The following CSMD3 variants were observed in gnomAD, a reference collection of about 807,000 sequenced individuals.
CSMD3 encodes CUB and sushi domain-containing protein 3.
In CSMD3, 177 loss-of-function variants were observed where a neutral mutation model predicts 435.2. That is an observed-to-expected ratio of 0.41 (90% CI 0.36 to 0.46). The LOEUF (loss-of-function observed/expected upper bound fraction) is 0.46, where lower values mean the gene tolerates loss of function less well. Among genes scored for constraint, CSMD3 ranks in the 20% least tolerant of loss-of-function variants. The pLI, the probability that CSMD3 is intolerant of heterozygous loss-of-function variation, is 0.34. For missense variants in CSMD3, 4,265 were observed against 4,504.6 expected (o/e 0.95, Z 1.52); for synonymous variants, 1,656 against 1,520.5 (o/e 1.09, Z -2.07).
chr8:112,994,642 G>A lies in CSMD3; in HGVS notation c.1031-18494C>T, dbSNP rs2085577569. 3.3e-5 allele frequency among the ~76,000 whole-genome samples: 5 copies of A among 151,436 alleles called. No individual in the cohort carries two copies. In the Admixed American group the frequency reaches 3.3e-4, roughly 10 times the overall value. On this transcript the variant is annotated intron_variant, in intron 6 of 70. Transcript: ENST00000297405. ...TACACTGATAAAATTGAGATTCCAA[G>A]GGCTACAAATTTCATGGATTTGTCT...
At chr8:113,024,447 C>T (rs1310888488) in intron 5 of CSMD3, among the ~76,000 whole-genome samples, 4 of 150,790 alleles carry the variant, frequency 2.7e-5, no homozygotes, top group Non-Finnish European at 5.9e-5. Context: ...AACCTATTAA[C>T]TTCACCTCTT....
At position 112,984,167 on chromosome 8, in the gene CSMD3, G is replaced by T. The variant is rs145472441; in HGVS notation, c.1031-8019C>A. On this transcript the variant is annotated intron_variant, in intron 6 of 70. Coordinates refer to ENST00000297405, the MANE Select transcript of CSMD3 (RefSeq NM_198123.2). ...TATTATATATGAATATTATATATGG[G>T]GTATTACATATAATTATATATTTGG... Among the ~76,000 whole-genome samples the T allele has an allele frequency of 6.6e-3, 997 of 151,356 alleles. 12 individuals are homozygous for T. The highest frequency in any genetic ancestry group is 0.023 in the African/African-American group (957 of 41,288).
At chr8:113,347,202 T>C (rs1426370077) in intron 1 of CSMD3, among the ~76,000 whole-genome samples, 1 of 152,114 alleles carries the variant, frequency 6.6e-6, no homozygotes, top group Non-Finnish European at 1.5e-5. Flanking sequence ...ACAGAAAGGC[T>C]TTCATGGTTG....
intron 57 of CSMD3, among the ~76,000 whole-genome samples, chr8:112,287,654 T>G (rs1819343084): frequency 6.6e-6 from 1 of 152,108 alleles, no homozygotes; most frequent in African/African-American, 2.4e-5. Flanking sequence ...AATTTCCTGA[T>G]TACTGATAAT....
At chr8:113,369,092 AT>A (rs1411522358) in intron 1 of CSMD3, among the ~76,000 whole-genome samples, 1 of 152,050 alleles carries the variant, frequency 6.6e-6, no homozygotes, top group Non-Finnish European at 1.5e-5. Flanking sequence ...ACTCATTTTC[AT>A]TCCTGAGATC....
chr8:113,336,174 T>G (rs2132812223), intron 1 of CSMD3, among the ~76,000 whole-genome samples: 1 of 152,230 alleles, frequency 6.6e-6, no homozygotes, highest in African/African-American at 2.4e-5. Flanking sequence ...TTAGATTATT[T>G]TCTTTGTTCC....
intron 18 of CSMD3, among the ~76,000 whole-genome samples, chr8:112,652,506 ATAG>A (rs1292205161): frequency 6.6e-6 from 1 of 152,202 alleles, no homozygotes; most frequent in African/African-American, 2.4e-5. Context: ...TCATTGACCT[ATAG>A]TAAAGGTCAA....
chr8:113,162,901 C>A (rs377139583), intron 4 of CSMD3, among the ~76,000 whole-genome samples: 114 of 152,168 alleles, frequency 7.5e-4, no homozygotes, highest in African/African-American at 2.6e-3. Context: ...CTTCACACCA[C>A]GTTAAAATTT....
intron 35 of CSMD3, 58 bp from the exon 36 acceptor site, chr8:112,390,846 G>A (rs2129729356): frequency 6.6e-7 from 1 of 1,504,262 alleles, no homozygotes; most frequent in Non-Finnish European, 9.2e-7. Flanking sequence ...ATTAAAATAA[G>A]AGTAAAGGTC....
intron 3 of CSMD3, among the ~76,000 whole-genome samples, chr8:113,212,405 C>T (rs1410358979): frequency 1.3e-5 from 2 of 152,052 alleles, no homozygotes; most frequent in African/African-American, 4.8e-5. Context: ...CACATCTTCC[C>T]AAAGTTGTCT....
intron 32 of CSMD3, among the ~76,000 whole-genome samples, chr8:112,410,608 A>ATATATGTATATATATATGTG (rs1563912847): frequency 1.8e-5 from 1 of 55,250 alleles, no homozygotes; most frequent in African/African-American, 7.0e-5. Flanking sequence ...ATATGTGTAT[A>ATATATGTATATATATATGTG]TATATATGTA....
At chr8:112,957,909 A>C (rs1394700940) in intron 7 of CSMD3, among the ~76,000 whole-genome samples, 1 of 149,440 alleles carries the variant, frequency 6.7e-6, no homozygotes, top group Non-Finnish European at 1.5e-5. Context: ...CCGCGCCCAG[A>C]TATTTTTTGT....
At position 113,372,227 on chromosome 8, in the gene CSMD3, A is replaced by G. The variant is rs1324373984; in HGVS notation, c.179-57434T>C. The stretch of plus-strand genomic sequence containing the variant: ...AAATTGTATGAAGTACCATAACAAT[A>G]TTATTTTGAAAAAGTTCATTTCACA... On this transcript the variant is annotated intron_variant, in intron 1 of 70. Transcript: ENST00000297405. Among the ~76,000 whole-genome samples, 3 of 152,166 alleles carry G rather than the reference A, an allele frequency of 2.0e-5. No homozygotes were observed. The East Asian group carries it at 5.8e-4, about 29-fold the overall frequency.
intron 53 of CSMD3, among the ~76,000 whole-genome samples, chr8:112,297,372 A>T (rs184405592): frequency 8.6e-5 from 13 of 152,036 alleles, no homozygotes; most frequent in Non-Finnish European, 1.8e-4. Context: ...CTAGTGACAT[A>T]TAAATGATAA....
At chr8:112,442,736 A>G (rs904947670) in intron 32 of CSMD3, among the ~76,000 whole-genome samples, 8 of 152,190 alleles carry the variant, frequency 5.3e-5, no homozygotes, top group African/African-American at 1.9e-4. Context: ...AAATATGAGC[A>G]GAAATGATTG....
At chr8:112,476,925 A>G (rs913779724) in intron 31 of CSMD3, among the ~76,000 whole-genome samples, 4 of 152,158 alleles carry the variant, frequency 2.6e-5, no homozygotes, top group African/African-American at 9.7e-5. Flanking sequence ...ACAAGTTCAT[A>G]CCACTGGTAG....
intron 49 of CSMD3, among the ~76,000 whole-genome samples, chr8:112,313,281 G>T (rs891328525): frequency 4.6e-5 from 7 of 152,088 alleles, no homozygotes; most frequent in Non-Finnish European, 8.8e-5. Flanking sequence ...AGGAAAAGCA[G>T]TAGCGACAAA....
At chr8:112,225,003 T>A in intron 70 of CSMD3, 73 bp from the exon 71 acceptor site, 1 of 1,345,382 alleles carries the variant, frequency 7.4e-7, no homozygotes, top group Non-Finnish European at 1.1e-6. Context: ...TCAAACATAA[T>A]GTACATCGTT....
At chr8:112,875,087 T>C (rs1198563202) in intron 10 of CSMD3, among the ~76,000 whole-genome samples, 1 of 152,180 alleles carries the variant, frequency 6.6e-6, no homozygotes, top group Non-Finnish European at 1.5e-5. Context: ...AGTCCTTCCT[T>C]CAGGAGCTCT....
Sources: gnomAD v4.1 joint callset for allele counts (sites outside exome capture counted in the v4.1 genomes callset) on GRCh38, gnomAD v4.1.1 for gene constraint, MANE v1.5 for transcripts, NCBI Gene and HGNC (gene_info 2026-07-23, HGNC 2026-07-21) for gene names.